The following KIAA1671 variants were observed in gnomAD, a reference collection of about 807,000 sequenced individuals.
KIAA1671 encodes uncharacterized protein KIAA1671.
Under a neutral mutation model 131.2 loss-of-function variants are expected in KIAA1671, and 52 were observed. The observed-to-expected ratio is 0.40, with a 90% CI of 0.32 to 0.50. The LOEUF (loss-of-function observed/expected upper bound fraction) is 0.50, where lower values mean the gene tolerates loss of function less well. Among genes scored for constraint, KIAA1671 ranks in the 20% least tolerant of loss-of-function variants. The pLI, the probability that KIAA1671 is intolerant of heterozygous loss-of-function variation, is 0.73. For synonymous variants in KIAA1671, 1,003 were observed against 961.6 expected, an observed-to-expected ratio of 1.04 and a Z score of -0.80; for missense variants, 2,360 against 2,364.2, an observed-to-expected ratio of 1.00 and a Z score of 0.04.
chr22:24,967,780 C>T (rs1341431129), intron 1 of KIAA1671, among the ~76,000 whole-genome samples: 6 of 152,314 alleles, frequency 3.9e-5, no homozygotes, highest in East Asian at 1.9e-4. Flanking sequence ...ATCATGAGGT[C>T]AGGAGATCGA....
At chr22:25,190,576 C>T (rs1934639368) in intron 11 of KIAA1671, 126 bp from the exon 12 acceptor site, 3 of 679,402 alleles carry the variant, frequency 4.4e-6, no homozygotes, top group Admixed American at 2.6e-5. Flanking sequence ...GCATCTTTAC[C>T]ACCTCTGAGT....
At chr22:25,014,482 C>T (rs914353550) in intron 1 of KIAA1671, 2 of 152,012 alleles carry the variant, frequency 1.3e-5, no homozygotes, top group African/African-American at 4.8e-5. Flanking sequence ...AGTCATAGCT[C>T]ACTGCAGCCT....
chr22:25,019,455 C>G (rs1925539014), intron 1 of KIAA1671, among the ~76,000 whole-genome samples: 1 of 152,092 alleles, frequency 6.6e-6, no homozygotes, highest in Non-Finnish European at 1.5e-5. Context: ...CTTAGCACCT[C>G]TACCTTTCAA....
Position 25,040,863 on chromosome 22 carries a change from C to T in KIAA1671, c.3733C>T (p.Gln1245Ter). ...ERPVQLGGVEQRRRSLKEMPD... is the reference protein window; with the variant it reads ...ERPVQLGGVE ...GCCTGTTCAGCTGGGCGGGGTGGAG[C>T]AGAGAAGGAGGAGCCTGAAGGAGAT... Residue 1245 changes from glutamine (Q) to a stop codon, truncating the protein, a stop_gained, in exon 5 of 13, where the codon CAG (glutamine) becomes TAG (stop). Transcript: ENST00000358431. LOFTEE classifies it high-confidence loss of function. The T allele has an allele frequency of 6.5e-7, 1 of 1,545,502 alleles. No homozygotes were observed. Among genetic ancestry groups the T allele is most frequent in the Non-Finnish European group, 8.7e-7 (1 of 1,143,472 alleles).
At chr22:25,162,629 G>A (rs917213451) in intron 6 of KIAA1671, among the ~76,000 whole-genome samples, 11 of 152,332 alleles carry the variant, frequency 7.2e-5, no homozygotes, top group Non-Finnish European at 8.8e-5. Flanking sequence ...TACTAGAGGT[G>A]AGGTGTTGTT....
chr22:25,043,115 T>G (rs1354263982), intron 5 of KIAA1671, among the ~76,000 whole-genome samples: 28 of 73,328 alleles, frequency 3.8e-4, no homozygotes, highest in South Asian at 2.3e-3. Flanking sequence ...GGGTGGGGGG[T>G]GGGGAGGAAA....
Position 25,041,078 on chromosome 22 carries a change from G to C in KIAA1671, c.3948G>C (p.Ala1316=), listed in dbSNP as rs1204192926. 3.3e-6 allele frequency: 5 copies of C among 1,538,202 alleles called. No homozygotes were observed. In the African/African-American group the frequency reaches 4.1e-5, roughly 13 times the overall value. The change falls in exon 5 of 13, where the codon GCG becomes GCC. Residue 1316 remains alanine (A), a synonymous_variant. Coordinates refer to ENST00000358431, the MANE Select transcript of KIAA1671 (RefSeq NM_001145206.2). ...ERYPGGSPIP[A]DPRKKTGFAE... ...ATCCAGGGGGCTCTCCTATACCTGC[G>C]GATCCCAGGAAAAAAACGGGGTTTG... is the stretch of plus-strand genomic sequence containing the variant.
At chr22:25,108,217 T>C (rs1931128879) in intron 6 of KIAA1671, among the ~76,000 whole-genome samples, 1 of 152,168 alleles carries the variant, frequency 6.6e-6, no homozygotes, top group South Asian at 2.1e-4. Context: ...ATTTTAAAGG[T>C]GTTTTACTTT....
chr22:25,014,835 T>G (rs1200830274), intron 1 of KIAA1671: 1 of 152,196 alleles, frequency 6.6e-6, no homozygotes, highest in African/African-American at 2.4e-5. Context: ...TTTGGGTATT[T>G]GAAAGAGGAC....
intron 6 of KIAA1671, among the ~76,000 whole-genome samples, chr22:25,143,872 G>A (rs5996836): frequency 0.48 from 73,314 of 151,974 alleles, 18,944 homozygotes; most frequent in African/African-American, 0.68. Flanking sequence ...TGCCTTGTCT[G>A]TAAAATGAGA....
chr22:25,141,668 T>C (rs762838709), intron 6 of KIAA1671, among the ~76,000 whole-genome samples: 86 of 152,298 alleles, frequency 5.6e-4, no homozygotes, highest in Non-Finnish European at 9.8e-4. Context: ...GAGTGACATA[T>C]CTCTTTTCTA....
At chr22:25,045,358 A>T (rs1458714684) in intron 5 of KIAA1671, among the ~76,000 whole-genome samples, 6 of 152,160 alleles carry the variant, frequency 3.9e-5, no homozygotes, top group African/African-American at 1.4e-4. Flanking sequence ...CCCTGGGAAG[A>T]GGTTGCTATT....
intron 11 of KIAA1671, among the ~76,000 whole-genome samples, chr22:25,187,140 C>T (rs1049199273): frequency 4.6e-5 from 7 of 152,206 alleles, no homozygotes; most frequent in African/African-American, 1.7e-4. Context: ...CCCCACTGTA[C>T]CACCAACAGG....
At chr22:25,096,835 G>C (rs948314973) in intron 6 of KIAA1671, among the ~76,000 whole-genome samples, 5 of 152,204 alleles carry the variant, frequency 3.3e-5, no homozygotes, top group Admixed American at 3.3e-4. Context: ...GGATTAGTCT[G>C]TGTGTTGTAG....
intron 6 of KIAA1671, among the ~76,000 whole-genome samples, chr22:25,113,448 C>T (rs879356503): frequency 4.6e-5 from 7 of 152,234 alleles, no homozygotes; most frequent in African/African-American, 1.7e-4. Flanking sequence ...AGGGCTAAGC[C>T]AGCCCCTTTT....
chr22:25,060,882 A>C (rs1026715758), intron 6 of KIAA1671: 1 of 152,248 alleles, frequency 6.6e-6, no homozygotes, highest in Non-Finnish European at 1.5e-5. Context: ...TCTAAACCTG[A>C]AACATCCAAA....
At chr22:25,145,416 C>T (rs534577969) in intron 6 of KIAA1671, among the ~76,000 whole-genome samples, 2 of 152,310 alleles carry the variant, frequency 1.3e-5, no homozygotes, top group East Asian at 3.9e-4. Context: ...CCCAAGGCCA[C>T]ACAGCATGGC....
At chr22:25,157,464 T>A (rs1933282082) in intron 6 of KIAA1671, among the ~76,000 whole-genome samples, 1 of 152,254 alleles carries the variant, frequency 6.6e-6, no homozygotes, top group South Asian at 2.1e-4. Flanking sequence ...TCTTTTTAAC[T>A]ATTCTTTCTA....
intron 1 of KIAA1671, among the ~76,000 whole-genome samples, chr22:25,004,330 G>A (rs1468364433): frequency 6.6e-6 from 1 of 152,006 alleles, no homozygotes; most frequent in African/African-American, 2.4e-5. Flanking sequence ...TGCCCAAGCT[G>A]ATCCTGAACT....
Sources: allele counts gnomAD v4.1 joint callset (sites outside exome capture counted in the v4.1 genomes callset), GRCh38; gene constraint gnomAD v4.1.1; transcripts MANE v1.5; gene names NCBI Gene and HGNC (gene_info 2026-07-23, HGNC 2026-07-21).